Variants in NRCAM observed in about 807,000 individuals in gnomAD.
NRCAM encodes neuronal cell adhesion molecule.
A neutral mutation model predicts 156.5 loss-of-function variants in NRCAM; 83 were observed. The ratio of observed to expected loss-of-function variants is 0.53; its 90% CI spans 0.44 to 0.64. The LOEUF is 0.64. NRCAM is among the 30% of genes least tolerant of loss of function. NRCAM has a pLI of 0.00. For missense variants in NRCAM, 1,417 were observed against 1,597.3 expected, an observed-to-expected ratio of 0.89 and a Z score of 1.92; for synonymous variants, 538 against 563.9, an observed-to-expected ratio of 0.95 and a Z score of 0.65.
chr7:108,202,691 C>G (rs1299614551), intron 13 of NRCAM, among the ~76,000 whole-genome samples: 1 of 152,126 alleles, frequency 6.6e-6, no homozygotes, highest in East Asian at 1.9e-4. Context: ...CAGGAATATC[C>G]TGGACCAGTC....
chr7:108,425,574 G>T (rs1816130846), intron 1 of NRCAM, among the ~76,000 whole-genome samples: 1 of 152,080 alleles, frequency 6.6e-6, no homozygotes, highest in Admixed American at 6.6e-5. Flanking sequence ...CAACAATTTT[G>T]CTGCCTCAAA....
At chr7:108,420,019 TAC>T (rs900424433) in intron 1 of NRCAM, among the ~76,000 whole-genome samples, 69 of 150,280 alleles carry the variant, frequency 4.6e-4, no homozygotes, top group Middle Eastern at 3.4e-3. Flanking sequence ...TTTAAGTACT[TAC>T]AAATATTTTA....
chr7:108,212,460 G>C (rs1017564057), intron 11 of NRCAM, among the ~76,000 whole-genome samples: 9 of 152,148 alleles, frequency 5.9e-5, no homozygotes, highest in Admixed American at 2.0e-4. Flanking sequence ...AGAGGCACCA[G>C]AGAAAGGCAA....
chr7:108,404,650 A>T (rs1361689988), intron 1 of NRCAM, among the ~76,000 whole-genome samples: 1 of 152,186 alleles, frequency 6.6e-6, no homozygotes, highest in Non-Finnish European at 1.5e-5. Context: ...AAATACCGTT[A>T]AAACTGGTTA....
intron 2 of NRCAM, among the ~76,000 whole-genome samples, chr7:108,387,883 T>A (rs1440120157): frequency 6.6e-6 from 1 of 152,184 alleles, no homozygotes. Flanking sequence ...GCAAAGGACA[T>A]AAACTCATCC....
intron 3 of NRCAM, among the ~76,000 whole-genome samples, chr7:108,242,479 T>C (rs1214080096): frequency 1.3e-5 from 2 of 152,158 alleles, no homozygotes; most frequent in African/African-American, 2.4e-5. Flanking sequence ...AGACTATCTT[T>C]CTGTGTGTGC....
intron 2 of NRCAM, among the ~76,000 whole-genome samples, chr7:108,387,293 C>T (rs866280263): frequency 6.6e-6 from 1 of 152,074 alleles, no homozygotes; most frequent in African/African-American, 2.4e-5. Flanking sequence ...TTTAAAATTG[C>T]AAGTGATGCA....
At chr7:108,335,985 TC>T (rs1325298059) in intron 2 of NRCAM, among the ~76,000 whole-genome samples, 2 of 152,208 alleles carry the variant, frequency 1.3e-5, no homozygotes, top group African/African-American at 4.8e-5. Flanking sequence ...AATGCCTCTC[TC>T]CTATTTGATT....
intron 3 of NRCAM, among the ~76,000 whole-genome samples, chr7:108,254,608 C>T (rs1029822103): frequency 1.4e-5 from 2 of 141,286 alleles, no homozygotes; most frequent in African/African-American, 2.8e-5. Context: ...AGTATAATAG[C>T]GTGATCTCAG....
chr7:108,226,223 C>T lies in NRCAM; in HGVS notation c.706G>A (p.Val236Met). 2.5e-6 allele frequency: 4 copies of T among 1,593,422 alleles called. No individual in the cohort carries two copies. Among genetic ancestry groups the T allele is most frequent in the Non-Finnish European group, 3.4e-6 (4 of 1,173,812 alleles). Residue 236 changes from valine to methionine, a missense_variant, in exon 9 of 33, where the codon GTG (valine) becomes ATG (methionine). Physicochemically the swap from Val to Met is conservative, Grantham distance 21. Transcript: ENST00000379028. ...QTIQQKQPIS[V>M]KVISVDELND... ...GAACTCTTACCTGAAATCACCTTCA[C>T]AGAAATAGGTTGCTTCTGCTGTATG...
At chr7:108,368,260 A>C (rs1238948584) in intron 2 of NRCAM, among the ~76,000 whole-genome samples, 1 of 59,634 alleles carries the variant, frequency 1.7e-5, no homozygotes, top group Non-Finnish European at 3.1e-5. Context: ...ACTACTGCTG[A>C]ATACATAATC....
chr7:108,377,838 C>G (rs150221647), intron 2 of NRCAM, among the ~76,000 whole-genome samples: 38 of 152,238 alleles, frequency 2.5e-4, no homozygotes, highest in Non-Finnish European at 5.3e-4. Context: ...AATAGCTAAG[C>G]TATAAGTAAC....
intron 3 of NRCAM, among the ~76,000 whole-genome samples, chr7:108,244,546 G>A (rs1393381717): frequency 6.6e-6 from 1 of 152,158 alleles, no homozygotes; most frequent in Admixed American, 6.5e-5. Context: ...AGGTTAGAGA[G>A]AAATGGACAA....
At chr7:108,366,422 T>C (rs1033219554) in intron 2 of NRCAM, among the ~76,000 whole-genome samples, 55 of 152,202 alleles carry the variant, frequency 3.6e-4, no homozygotes, top group African/African-American at 1.3e-3. Context: ...CTGCTTATTT[T>C]AAAAAGGTTA....
At chr7:108,384,939 T>A (rs1047197532) in intron 2 of NRCAM, among the ~76,000 whole-genome samples, 1 of 152,160 alleles carries the variant, frequency 6.6e-6, no homozygotes, top group African/African-American at 2.4e-5. Context: ...CTAAACAACA[T>A]GCCAAGTGCT....
Position 108,181,902 on chromosome 7 carries a change from C to T in NRCAM, c.2566G>A (p.Val856Met), listed in dbSNP as rs764113741. The T allele has an allele frequency of 1.2e-6, 2 of 1,614,154 alleles. No homozygotes were observed. The highest frequency in any genetic ancestry group is 8.5e-7 in the Non-Finnish European group (1 of 1,180,012). Residue 856 changes from valine to methionine, a missense_variant, in exon 24 of 33, where the codon GTG (valine) becomes ATG (methionine). Val to Met is a conservative substitution (Grantham distance 21, BLOSUM62 1). Around this residue, in one of 2 missense-constraint regions of NRCAM, gnomAD observed 1,238 missense variants for 1,336.4 expected, o/e 0.93. Transcript: ENST00000379028. Reference protein sequence around the residue: ...MVAPGNVRVNVVNSTLAEVHW... With the variant: ...MVAPGNVRVNMVNSTLAEVHW... ...ACCTCGGCTAAGGTACTGTTCACCA[C>T]ATTCACACGCACGTTCCCAGGAGCC...
chr7:108,327,882 A>G (rs2099086475), intron 2 of NRCAM, among the ~76,000 whole-genome samples: 1 of 152,184 alleles, frequency 6.6e-6, no homozygotes, highest in Non-Finnish European at 1.5e-5. Flanking sequence ...CTTTGCACAC[A>G]AAAAGTATTA....
intron 2 of NRCAM, among the ~76,000 whole-genome samples, chr7:108,340,512 G>A (rs191729524): frequency 1.7e-3 from 253 of 152,254 alleles, no homozygotes; most frequent in African/African-American, 5.8e-3. Flanking sequence ...GCGATCTCTG[G>A]TATCTCAGTC....
At position 108,430,032 on chromosome 7, in the gene NRCAM, A is replaced by C. The variant is rs1822911689; in HGVS notation, c.-332+26211T>G. ...CACAGCCAGTGCAAAGGCTGATGGC[A>C]GAAGCAATGCCTGGTGTGGTCGAGG... On this transcript the variant is annotated intron_variant, in intron 1 of 32. Transcript: ENST00000379028. Among the ~76,000 whole-genome samples, 8 of 152,344 alleles carry C rather than the reference A, an allele frequency of 5.3e-5. No individual in the cohort carries two copies. In the South Asian group the frequency reaches 1.7e-3, roughly 32 times the overall value.
Sources: gnomAD v4.1 joint callset for allele counts (sites outside exome capture counted in the v4.1 genomes callset) on GRCh38, gnomAD v4.1.1 for gene constraint, gnomAD v4.1.1 regional missense constraint, MANE v1.5 for transcripts, NCBI Gene and HGNC (gene_info 2026-07-23, HGNC 2026-07-21) for gene names.